The following OAT variants were observed in gnomAD, a reference collection of about 807,000 sequenced individuals.
OAT encodes ornithine aminotransferase, mitochondrial.
OAT carries 35 observed loss-of-function variants against 48.4 expected under a neutral mutation model. That is an observed-to-expected ratio of 0.72 (90% confidence interval 0.55 to 0.96). The LOEUF is 0.96. OAT is among the 40% of genes least tolerant of loss of function. OAT has a pLI of 0.00. For synonymous variants in OAT, 182 were observed against 198.4 expected (o/e 0.92, Z 0.70); for missense variants, 438 against 537.9 (o/e 0.81, Z 1.84).
chr10:124,408,311 G>GTATA (rs1564735776), intron 4 of OAT, among the ~76,000 whole-genome samples: 15 of 61,596 alleles, frequency 2.4e-4, no homozygotes, highest in Non-Finnish European at 4.2e-4. Flanking sequence ...GTGTGTGTGT[G>GTATA]TGTGTGTATA....
intron 2 of OAT, among the ~76,000 whole-genome samples, chr10:124,409,504 T>C (rs956452940): frequency 5.9e-5 from 9 of 151,974 alleles, no homozygotes; most frequent in Non-Finnish European, 1.3e-4. Context: ...TGAGTTGAGA[T>C]TGTGCCACTG....
intron 2 of OAT, among the ~76,000 whole-genome samples, chr10:124,411,231 G>A (rs1205370908): frequency 6.6e-6 from 1 of 151,428 alleles, no homozygotes; most frequent in African/African-American, 2.4e-5. Context: ...GAATATGCAG[G>A]CGGCGGGGGG....
At position 124,397,314 on chromosome 10, in the gene OAT, T is replaced by C. The variant is rs1951260107; in HGVS notation, c.*628A>G. 6.6e-6 allele frequency: 1 copy of C among 152,278 alleles called. No individual in the cohort carries two copies. Among genetic ancestry groups the C allele is most frequent in the Admixed American group, 6.5e-5 (1 of 15,278 alleles). 9.4% of individuals were successfully genotyped at this position (152,278 alleles called of 1,614,324 possible). On this transcript the variant is annotated 3_prime_UTR_variant, in exon 10 of 10. Coordinates refer to ENST00000368845, the MANE Select transcript of OAT (RefSeq NM_000274.4). ...ATCATCACAAAACAGACATTTGAAATATAAGCTTTATTTTAAATTTAAAGA... is the reference window on the plus strand; with the variant it reads ...ATCATCACAAAACAGACATTTGAAACATAAGCTTTATTTTAAATTTAAAGA...
At chr10:124,415,485 G>A (rs11244799) in intron 1 of OAT, among the ~76,000 whole-genome samples, 2 of 152,284 alleles carry the variant, frequency 1.3e-5, no homozygotes, top group South Asian at 2.1e-4. Context: ...GGAAAGGTCA[G>A]AAACTGGATG....
At position 124,411,089 on chromosome 10, in the gene OAT, G is replaced by A. The variant is rs112310946; in HGVS notation, c.199+884C>T. ...CGAGAGGTAGAGGTTGCAGTGAGCCGAGATCCCACCATTGCACTCCAGCCT... is the reference window on the plus strand; with the variant it reads ...CGAGAGGTAGAGGTTGCAGTGAGCCAAGATCCCACCATTGCACTCCAGCCT... On this transcript the variant is annotated intron_variant, in intron 2 of 9. Transcript: ENST00000368845. Among the ~76,000 whole-genome samples, 729 of 120,910 alleles carry A rather than the reference G, an allele frequency of 6.0e-3. 4 individuals are homozygous for A. The highest frequency in any genetic ancestry group is 0.022 in the African/African-American group (693 of 31,984). 79.3% of individuals were successfully genotyped at this position (120,910 alleles called of 152,430 possible).
At chr10:124,408,465 C>T in intron 4 of OAT, 77 bp downstream of exon 4, 1 of 1,294,732 alleles carries the variant, frequency 7.7e-7, no homozygotes, top group Non-Finnish European at 1.1e-6. Flanking sequence ...GGATTACAGG[C>T]ATGAGCCACC....
rs1427092729 is a variant in OAT, at chr10:124,399,335, A to ATTTTTTTTTTTTTTTTTTT, written c.1160-1234_1160-1233insAAAAAAAAAAAAAAAAAAA. On this transcript the variant is annotated intron_variant, in intron 9 of 9. Transcript: ENST00000368845. ...ATTTTTTTAAGAAGCTCCCCAGGTGATTCTTTTTTTTTTTTTTTTTTTTTT... is the reference window on the plus strand; with the variant it reads ...ATTTTTTTAAGAAGCTCCCCAGGTGATTTTTTTTTTTTTTTTTTTTTCTTTTTTTTTTTTTTTTTTTTTT... Among the ~76,000 whole-genome samples the ATTTTTTTTTTTTTTTTTTT allele has an allele frequency of 2.0e-5, 2 of 100,376 alleles. 1 individual carries two copies. The highest frequency in any genetic ancestry group is 7.2e-5 in the African/African-American group (2 of 27,762). 65.9% of individuals were successfully genotyped at this position (100,376 alleles called of 152,430 possible).
chr10:124,408,627 A>G lies in OAT; in HGVS notation c.435T>C (p.Ala145=), dbSNP rs764910542. 2 of 1,611,914 alleles carry G rather than the reference A, an allele frequency of 1.2e-6. No homozygotes were observed. Among genetic ancestry groups the G allele is most frequent in the South Asian group, 2.2e-5 (2 of 91,034 alleles). Residue 145 remains alanine (A), a synonymous_variant, in exon 4 of 10, where the codon GCT becomes GCC. Coordinates refer to ENST00000368845, the MANE Select transcript of OAT (RefSeq NM_000274.4). ...GAGCTAGTTTACAGGCAGTCTCTCC[A>G]GCCTCCACTCCTATCAGGAGAGAAA... ...KVLPMNTGVE[A]GETACKLARK...
intron 5 of OAT, among the ~76,000 whole-genome samples, chr10:124,405,008 C>T (rs7094176): frequency 0.013 from 1,955 of 152,212 alleles, 43 homozygotes; most frequent in African/African-American, 0.045. Flanking sequence ...TGTGCCACTG[C>T]GCTCCAGCCT....
chr10:124,408,276 AAT>A (rs1246911546), intron 4 of OAT, among the ~76,000 whole-genome samples: 53 of 144,404 alleles, frequency 3.7e-4, no homozygotes, highest in African/African-American at 6.6e-4. Flanking sequence ...TTATATATAA[AAT>A]ATATAAGTGT....
chr10:124,411,459 C>T (rs1455811268), intron 2 of OAT, among the ~76,000 whole-genome samples: 1 of 152,140 alleles, frequency 6.6e-6, no homozygotes, highest in Non-Finnish European at 1.5e-5. Flanking sequence ...GTCTACATGA[C>T]AAAGACAATG....
chr10:124,398,782 C>T (rs984019222), intron 9 of OAT, among the ~76,000 whole-genome samples: 1 of 151,858 alleles, frequency 6.6e-6, no homozygotes, highest in Non-Finnish European at 1.5e-5. Context: ...TTTGGGAGGC[C>T]GAGGTGGGCA....
rs888000341 is a variant in OAT at position 124,403,854 on chromosome 10, C to T, written c.715G>A (p.Val239Ile). 6.2e-7 allele frequency: 1 copy of T among 1,614,152 alleles called. No homozygotes were observed. Among genetic ancestry groups the T allele is most frequent in the South Asian group, 1.1e-5 (1 of 91,086 alleles). ...VEPIQGEAGV[V>I]VPDPGYLMGV... ...ATTAGGTAACCTGGATCCGGAACAACAACGCCTGCTTCACCCTGAATTGGT... is the reference window on the plus strand; with the variant it reads ...ATTAGGTAACCTGGATCCGGAACAATAACGCCTGCTTCACCCTGAATTGGT... The change falls in exon 6 of 10, where the codon GTT (valine) becomes ATT (isoleucine). Residue 239 changes from valine to isoleucine, a missense_variant. Coordinates refer to ENST00000368845, the MANE Select transcript of OAT (RefSeq NM_000274.4).
At chr10:124,417,323 C>T (rs926198853) in intron 1 of OAT, among the ~76,000 whole-genome samples, 5 of 125,718 alleles carry the variant, frequency 4.0e-5, no homozygotes, top group African/African-American at 1.6e-4. Context: ...CGGAGTCTGT[C>T]GCCCAGGCTG....
chr10:124,402,226 C>T (rs12267806), intron 7 of OAT, among the ~76,000 whole-genome samples: 5,864 of 152,132 alleles, frequency 0.039, 359 homozygotes, highest in African/African-American at 0.13. Flanking sequence ...ATGACTTCAA[C>T]GAAAGAGTTT....
Position 124,399,038 on chromosome 10 carries a change from A to C in OAT, c.1160-936T>G, listed in dbSNP as rs181303190. Among the ~76,000 whole-genome samples, 45 of 148,672 alleles carry C rather than the reference A, an allele frequency of 3.0e-4. 1 individual carries two copies. The East Asian group carries it at 8.3e-3, about 28-fold the overall frequency. On this transcript the variant is annotated intron_variant, in intron 9 of 9. Coordinates refer to ENST00000368845, the MANE Select transcript of OAT (RefSeq NM_000274.4). ...ACAGAGCAAGGCACTGTCTCAAAAA[A>C]TAAAATAAATAAAATAAATAAAATT... is the stretch of plus-strand genomic sequence containing the variant.
At chr10:124,403,490 G>T (rs1392428628) in intron 6 of OAT, among the ~76,000 whole-genome samples, 1 of 152,176 alleles carries the variant, frequency 6.6e-6, no homozygotes, top group Non-Finnish European at 1.5e-5. Flanking sequence ...CAAAGGGCTT[G>T]CGGGGGCTCA....
intron 9 of OAT, among the ~76,000 whole-genome samples, chr10:124,400,151 A>G (rs987387852): frequency 1.3e-5 from 2 of 152,100 alleles, no homozygotes; most frequent in African/African-American, 2.4e-5. Flanking sequence ...CCAACACCCA[A>G]TTAAAATACC....
In OAT at chr10:124,400,931, C is replaced by A. The variant is rs768685095; in HGVS notation, c.1068G>T (p.Leu356Phe). 4.3e-6 allele frequency: 7 copies of A among 1,610,890 alleles called. No individual in the cohort carries two copies. In the Admixed American group the frequency reaches 1.2e-4, roughly 27 times the overall value. The change falls in exon 9 of 10, where the codon TTG becomes TTT. Residue 356 changes from leucine (L) to phenylalanine (F), a missense_variant. By Grantham distance (22) the Leu-to-Phe change is conservative (BLOSUM62 0). Transcript: ENST00000368845. ...AAGGTAGCTTCATGAGTTCATTTCT[C>A]AAGATAATGCCCAATTTGTCTGCAT... ...AENADKLGII[L>F]RNELMKLPSD...
Sources: gnomAD v4.1 joint callset for allele counts (sites outside exome capture counted in the v4.1 genomes callset) on GRCh38, gnomAD v4.1.1 for gene constraint, MANE v1.5 for transcripts, NCBI Gene and HGNC (gene_info 2026-07-23, HGNC 2026-07-21) for gene names.